Variants in ZFC3H1 observed in about 807,000 individuals in gnomAD.
ZFC3H1 encodes the protein zinc finger C3H1 domain-containing protein.
Under a neutral mutation model 243.7 loss-of-function variants are expected in ZFC3H1, and 71 were observed. The observed-to-expected ratio is 0.29, with a 90% CI of 0.24 to 0.36. The LOEUF is 0.36. ZFC3H1 is among the 10% of genes least tolerant of loss of function. The pLI is 1.00. For missense variants in ZFC3H1, 1,966 were observed against 2,317.1 expected, an observed-to-expected ratio of 0.85 and a Z score of 3.11; for synonymous variants, 838 against 813.0, an observed-to-expected ratio of 1.03 and a Z score of -0.52.
chr12:71,621,680 T>C (rs558653919), intron 24 of ZFC3H1, among the ~76,000 whole-genome samples: 1 of 152,086 alleles, frequency 6.6e-6, no homozygotes, highest in Non-Finnish European at 1.5e-5. Context: ...CAAATACTAC[T>C]CCTACCATCA....
At chr12:71,617,569 T>C (rs148176279) in intron 27 of ZFC3H1, among the ~76,000 whole-genome samples, 12 of 152,326 alleles carry the variant, frequency 7.9e-5, no homozygotes, top group African/African-American at 2.9e-4. Context: ...ATTGGTAGCA[T>C]TTTCTTTTAA....
chr12:71,663,594 GTAT>G lies in ZFC3H1; in HGVS notation c.14_16del (p.Asp5_Thr6delinsAla). The G allele has an allele frequency of 6.2e-7, 1 of 1,610,196 alleles. No homozygotes were observed. The highest frequency in any genetic ancestry group is 2.2e-5 in the East Asian group (1 of 44,874). ...GAGGCCACTGGAGGCCGGGGCCGGA[GTAT>G]CTGCGGTCGCCATCCGGGGAGCAGC... is the stretch of plus-strand genomic sequence containing the variant. On this transcript the variant is annotated inframe_deletion, in exon 1 of 35. Transcript: ENST00000378743.
intron 2 of ZFC3H1, among the ~76,000 whole-genome samples, chr12:71,650,581 ACT>A (rs1449396837): frequency 1.3e-5 from 2 of 152,230 alleles, no homozygotes; most frequent in Non-Finnish European, 1.5e-5. Flanking sequence ...AAAATGGGAC[ACT>A]GAGGACATGA....
Position 71,614,700 on chromosome 12 carries a change from A to G in ZFC3H1, c.5361T>C (p.Asp1787=), listed in dbSNP as rs768772918. The change falls in exon 30 of 35, where the codon GAT becomes GAC. Residue 1787 remains aspartate, a splice_region_variant and synonymous_variant. Transcript: ENST00000378743. The part of the protein sequence containing the change: ...RCDIVQKIWM[D]YLVFANNRAA... The stretch of plus-strand genomic sequence containing the variant: ...CTCTATTATTTGCAAAGACAAGATA[A>G]CTGCCAAAAGAAAAATATTATAATT... The G allele has an allele frequency of 1.2e-6, 2 of 1,600,514 alleles. No individual in the cohort carries two copies. Among genetic ancestry groups the G allele is most frequent in the Admixed American group, 3.5e-5 (2 of 56,432 alleles).
chr12:71,622,155 T>G (rs1478660362), intron 24 of ZFC3H1, among the ~76,000 whole-genome samples: 1 of 152,228 alleles, frequency 6.6e-6, no homozygotes, highest in Admixed American at 6.5e-5. Flanking sequence ...GCTTTTTGTT[T>G]ATTTAACTCC....
intron 8 of ZFC3H1, 86 bp downstream of exon 8, chr12:71,636,764 A>T (rs74101629): frequency 6.4e-7 from 1 of 1,563,204 alleles, no homozygotes; most frequent in African/African-American, 1.4e-5. Flanking sequence ...GAAAAGCCCA[A>T]TGATGCCCAA....
At position 71,624,119 on chromosome 12, in the gene ZFC3H1, T is replaced by G; in HGVS notation, c.4491A>C (p.Ala1497=). ...AAGTGCTTACCTGTAAAATTGCCAGTGCACTTTGGCATCTTCCAGTAAATA... is the reference window on the plus strand; with the variant it reads ...AAGTGCTTACCTGTAAAATTGCCAGGGCACTTTGGCATCTTCCAGTAAATA... The part of the protein sequence containing the change: ...LHIFTGRCQS[A]LAILQNALKS... Residue 1497 remains alanine (A), a synonymous_variant, in exon 23 of 35, where the codon GCA becomes GCC. Coordinates refer to ENST00000378743, the MANE Select transcript of ZFC3H1 (RefSeq NM_144982.5). 1.2e-6 allele frequency: 2 copies of G among 1,611,738 alleles called. No homozygotes were observed. The highest frequency in any genetic ancestry group is 8.5e-7 in the Non-Finnish European group (1 of 1,179,310).
intron 2 of ZFC3H1, among the ~76,000 whole-genome samples, chr12:71,656,028 T>C (rs1280072509): frequency 9.9e-5 from 15 of 152,136 alleles, no homozygotes; most frequent in Admixed American, 9.8e-4. Flanking sequence ...GAAGCTATAA[T>C]GAAAGGCAAT....
Position 71,630,919 on chromosome 12 carries a change from G to A in ZFC3H1, c.3506C>T (p.Pro1169Leu). 1 of 1,612,156 alleles carries A rather than the reference G, an allele frequency of 6.2e-7. No individual in the cohort carries two copies. The highest frequency in any genetic ancestry group is 8.5e-7 in the Non-Finnish European group (1 of 1,178,774). ...ATTACTGTATGATACTGAGCTCAGG[G>A]GAAGTTTTTCCTTGGTTCGATAATA... is the stretch of plus-strand genomic sequence containing the variant. Reference protein sequence around the residue: ...SPYYRTKEKLPLSSVSYSNMI... With the variant: ...SPYYRTKEKLLLSSVSYSNMI... Residue 1169 changes from proline (P) to leucine (L), a missense_variant, in exon 17 of 35, where the codon CCC becomes CTC. This residue lies in a region of ZFC3H1 where 1,383 missense variants were observed against 1,723.7 expected (regional missense o/e 0.80). Transcript: ENST00000378743.
intron 3 of ZFC3H1, 143 bp from the exon 4 acceptor site, chr12:71,645,218 A>G (rs1880699385): frequency 4.2e-6 from 3 of 722,854 alleles, no homozygotes; most frequent in Non-Finnish European, 6.6e-6. Context: ...AAGTAAACTA[A>G]TTTACTTCCC....
At chr12:71,640,769 C>A (rs1225810773) in intron 6 of ZFC3H1, among the ~76,000 whole-genome samples, 1 of 151,990 alleles carries the variant, frequency 6.6e-6, no homozygotes, top group Admixed American at 6.6e-5. Context: ...ACTGTGGTAT[C>A]CTAGTGAAAA....
chr12:71,621,167 T>C (rs1880015690), intron 24 of ZFC3H1, among the ~76,000 whole-genome samples: 2 of 152,206 alleles, frequency 1.3e-5, no homozygotes, highest in South Asian at 2.1e-4. Flanking sequence ...AAATATCTCA[T>C]AGCCTCAACT....
intron 14 of ZFC3H1, 63 bp downstream of exon 14, chr12:71,632,823 C>A: frequency 6.3e-7 from 1 of 1,586,170 alleles, no homozygotes; most frequent in South Asian, 1.2e-5. Context: ...TACATCTTAC[C>A]CTTAAAACTA....
rs1879760164 is a variant in ZFC3H1 at position 71,611,179 on chromosome 12, A to G, written c.5730-82T>C. On this transcript the variant is annotated intron_variant, in intron 32 of 34. Coordinates refer to ENST00000378743, the MANE Select transcript of ZFC3H1 (RefSeq NM_144982.5). ...TCTTTGAACAAAATGAAACACCACCACTGGCAGAATACTGACTGTGGGAAT... is the reference window on the plus strand; with the variant it reads ...TCTTTGAACAAAATGAAACACCACCGCTGGCAGAATACTGACTGTGGGAAT... 1.5e-6 allele frequency: 2 copies of G among 1,366,276 alleles called. 1 individual carries two copies. The highest frequency in any genetic ancestry group is 5.2e-5 in the Admixed American group (2 of 38,216). 84.6% of individuals were successfully genotyped at this position (1,366,276 alleles called of 1,614,324 possible).
At chr12:71,630,993 A>G in intron 16 of ZFC3H1, 39 bp from the exon 17 acceptor site, 1 of 1,470,314 alleles carries the variant, frequency 6.8e-7, no homozygotes, top group Non-Finnish European at 9.1e-7. Flanking sequence ...TATGCCCAAC[A>G]AACATTCCTC....
chr12:71,645,155 G>A (rs17110081), intron 3 of ZFC3H1, 80 bp from the exon 4 acceptor site: 198,566 of 1,373,580 alleles, frequency 0.14, 16,265 homozygotes, highest in East Asian at 0.39. Flanking sequence ...AATCCTTTAT[G>A]ATAAAAATTT....
intron 27 of ZFC3H1, 62 bp downstream of exon 27, chr12:71,619,253 A>C: frequency 6.9e-7 from 1 of 1,448,122 alleles, no homozygotes; most frequent in African/African-American, 1.4e-5. Flanking sequence ...AAAAAACTGT[A>C]ATCTTTCTAC....
intron 20 of ZFC3H1, among the ~76,000 whole-genome samples, chr12:71,628,710 G>A (rs116486192): frequency 0.033 from 4,970 of 152,264 alleles, 284 homozygotes; most frequent in African/African-American, 0.11. Context: ...TTACTGGAGA[G>A]GAGCCATGAA....
At chr12:71,641,507 T>A (rs1880602419) in intron 6 of ZFC3H1, among the ~76,000 whole-genome samples, 1 of 152,228 alleles carries the variant, frequency 6.6e-6, no homozygotes, top group African/African-American at 2.4e-5. Context: ...TCTGCCTCAG[T>A]CTTAAGTGTT....
Sources: allele counts gnomAD v4.1 joint callset (sites outside exome capture counted in the v4.1 genomes callset), GRCh38; gene constraint gnomAD v4.1.1; regional missense constraint gnomAD v4.1.1; transcripts MANE v1.5; gene names NCBI Gene and HGNC (gene_info 2026-07-23, HGNC 2026-07-21).